SBF2: variants seen among roughly 807,000 people sequenced by gnomAD.
SBF2 encodes SET binding factor 2, also known as myotubularin-related protein 13.
In SBF2, 112 loss-of-function variants were observed where a neutral mutation model predicts 225.2. That is an observed-to-expected ratio of 0.50 (90% CI 0.43 to 0.58). The LOEUF is 0.58. Ranked by LOEUF, SBF2 falls within the 20% of genes least tolerant of loss-of-function variation. The pLI is 0.00. For synonymous variants in SBF2, 763 were observed against 773.3 expected (o/e 0.99, Z 0.22); for missense variants, 1,996 against 2,206.2 (o/e 0.90, Z 1.91).
At chr11:9,984,886 G>C (rs1453703649) in intron 13 of SBF2, among the ~76,000 whole-genome samples, 2 of 152,128 alleles carry the variant, frequency 1.3e-5, no homozygotes, top group Non-Finnish European at 2.9e-5. Context: ...AATGCTGAAA[G>C]AATTTGCCAT....
At chr11:10,280,397 G>C (rs1447101627) in intron 1 of SBF2, among the ~76,000 whole-genome samples, 1 of 152,068 alleles carries the variant, frequency 6.6e-6, no homozygotes, top group African/African-American at 2.4e-5. Context: ...TCATTCCATT[G>C]ATTTCCACTC....
chr11:10,101,235 A>G (rs991767854), intron 2 of SBF2, among the ~76,000 whole-genome samples: 11 of 152,102 alleles, frequency 7.2e-5, no homozygotes, highest in Admixed American at 6.5e-5. Context: ...CCAATGAATT[A>G]CCATTCGGAG....
chr11:9,781,453 C>G (rs1193252739), intron 39 of SBF2, 54 bp downstream of exon 39: 7 of 1,611,398 alleles, frequency 4.3e-6, no homozygotes, highest in Non-Finnish European at 5.9e-6. Flanking sequence ...TTCTTGGAGA[C>G]AGACAGAATG....
chr11:10,161,315 C>A (rs1955726071), intron 2 of SBF2, among the ~76,000 whole-genome samples: 1 of 149,466 alleles, frequency 6.7e-6, no homozygotes, highest in Non-Finnish European at 1.5e-5. Flanking sequence ...TAACTCTACT[C>A]CTAATAGGGT....
chr11:9,908,014 G>C (rs1374725689), intron 16 of SBF2, among the ~76,000 whole-genome samples: 4 of 152,120 alleles, frequency 2.6e-5, no homozygotes, highest in Non-Finnish European at 5.9e-5. Context: ...AAACCTCAAC[G>C]TTCTCTTGCC....
intron 16 of SBF2, among the ~76,000 whole-genome samples, chr11:9,910,890 CAAAAAAA>C (rs68011518): frequency 3.2e-5 from 3 of 93,606 alleles, no homozygotes; most frequent in African/African-American, 1.3e-4. Flanking sequence ...TACTAAAATA[CAAAAAAA>C]AAAAAAAAAA....
At chr11:9,845,195 C>A (rs1468121399) in intron 24 of SBF2, among the ~76,000 whole-genome samples, 1 of 152,018 alleles carries the variant, frequency 6.6e-6, no homozygotes, top group East Asian at 1.9e-4. Flanking sequence ...AAAATATAGC[C>A]TCCTGTTTCT....
intron 1 of SBF2, among the ~76,000 whole-genome samples, chr11:10,280,843 G>C (rs59629505): frequency 0.021 from 3,188 of 152,074 alleles, 88 homozygotes; most frequent in African/African-American, 0.063. Flanking sequence ...GATTGGGGGT[G>C]GGGGAGGCGG....
intron 2 of SBF2, among the ~76,000 whole-genome samples, chr11:10,063,026 T>C (rs981596598): frequency 6.6e-6 from 1 of 152,142 alleles, no homozygotes; most frequent in Non-Finnish European, 1.5e-5. Context: ...AAAGAGATCA[T>C]GTCTTTTGCC....
chr11:10,263,251 T>C (rs1961618354), intron 1 of SBF2, among the ~76,000 whole-genome samples: 1 of 152,100 alleles, frequency 6.6e-6, no homozygotes, highest in South Asian at 2.1e-4. Context: ...TCATATTTTA[T>C]ATGGTTTTAA....
intron 2 of SBF2, among the ~76,000 whole-genome samples, chr11:10,131,881 A>G (rs1486107354): frequency 6.6e-6 from 1 of 152,158 alleles, no homozygotes; most frequent in Admixed American, 6.5e-5. Context: ...CAATTTAGCA[A>G]TTTTTTATAG....
At position 9,961,884 on chromosome 11, in the gene SBF2, A is replaced by T. The variant is rs74997924; in HGVS notation, c.1860+73T>A. ...TAGGCTCAAGAACTGATATATTGGTAATTACAAAATATTCTGGAAAAATGA... is the reference window on the plus strand; with the variant it reads ...TAGGCTCAAGAACTGATATATTGGTTATTACAAAATATTCTGGAAAAATGA... On this transcript the variant is annotated intron_variant, in intron 16 of 39. Transcript: ENST00000256190. The T allele has an allele frequency of 1.2e-3, 1,744 of 1,426,548 alleles. 15 individuals carry two copies. In the African/African-American group the frequency reaches 0.022, roughly 18 times the overall value. 88.4% of individuals were successfully genotyped at this position (1,426,548 alleles called of 1,614,324 possible).
At chr11:10,204,657 CA>C (rs75767484) in intron 1 of SBF2, among the ~76,000 whole-genome samples, 70,082 of 136,794 alleles carry the variant, frequency 0.51, 16,937 homozygotes, top group Non-Finnish European at 0.56. Flanking sequence ...CACTCCATCT[CA>C]AAAAAAAAAA....
intron 13 of SBF2, among the ~76,000 whole-genome samples, chr11:9,976,011 G>A (rs907975194): frequency 2.0e-5 from 3 of 151,236 alleles, no homozygotes; most frequent in African/African-American, 7.3e-5. Context: ...GTTCAATGCT[G>A]GGCAATGAAA....
At chr11:10,019,668 AGAC>A (rs1948776373) in intron 6 of SBF2, among the ~76,000 whole-genome samples, 1 of 152,240 alleles carries the variant, frequency 6.6e-6, no homozygotes, top group Admixed American at 6.5e-5. Context: ...GAAAAAAAAA[AGAC>A]GACTTCATTT....
intron 1 of SBF2, among the ~76,000 whole-genome samples, chr11:10,266,949 C>T (rs1200199384): frequency 1.3e-5 from 2 of 152,060 alleles, no homozygotes; most frequent in Non-Finnish European, 2.9e-5. Context: ...CAAAAATTAG[C>T]CAAGTGTAGT....
chr11:10,035,287 G>A (rs190518556), intron 3 of SBF2, among the ~76,000 whole-genome samples: 4 of 152,130 alleles, frequency 2.6e-5, no homozygotes, highest in East Asian at 1.9e-4. Context: ...AGTCTTAAAC[G>A]TAAGACCTAA....
At chr11:9,839,810 A>C in intron 25 of SBF2, 114 bp from the exon 26 acceptor site, 2 of 1,190,194 alleles carry the variant, frequency 1.7e-6, no homozygotes, top group Non-Finnish European at 1.3e-6. Context: ...GTAGAGACAG[A>C]TATCAAAGAA....
At chr11:9,800,327 C>G (rs1172704651) in intron 32 of SBF2, among the ~76,000 whole-genome samples, 1 of 152,096 alleles carries the variant, frequency 6.6e-6, no homozygotes, top group Non-Finnish European at 1.5e-5. Context: ...ATATGGTTTA[C>G]ACATATTTTC....
Sources: allele counts gnomAD v4.1 joint callset (sites outside exome capture counted in the v4.1 genomes callset), GRCh38; gene constraint gnomAD v4.1.1; transcripts MANE v1.5; gene names NCBI Gene and HGNC (gene_info 2026-07-23, HGNC 2026-07-21).